FAM227B: variants seen among roughly 807,000 people sequenced by gnomAD.
FAM227B encodes the protein family with sequence similarity 227 member B, also known as protein FAM227B.
FAM227B carries 88 observed loss-of-function variants against 73.8 expected under a neutral mutation model. The ratio of observed to expected loss-of-function variants is 1.19; its 90% CI spans 1.00 to 1.42. The LOEUF is 1.42. Among genes scored for constraint, FAM227B ranks in the 40% most tolerant of loss-of-function variants. The pLI is 0.00. For synonymous variants in FAM227B, 210 were observed against 190.5 expected (o/e 1.10, Z -0.84); for missense variants, 632 against 590.9 (o/e 1.07, Z -0.72).
At chr15:49,350,348 G>A (rs2042062344) in intron 13 of FAM227B, among the ~76,000 whole-genome samples, 1 of 152,152 alleles carries the variant, frequency 6.6e-6, no homozygotes, top group African/African-American at 2.4e-5. Flanking sequence ...TGCAGGTCTA[G>A]AATGATGACA....
chr15:49,355,007 C>T (rs1211113223), intron 13 of FAM227B, among the ~76,000 whole-genome samples: 1 of 151,530 alleles, frequency 6.6e-6, no homozygotes, highest in African/African-American at 2.4e-5. Context: ...CAGGGTACTC[C>T]AACAGACCTG....
intron 1 of FAM227B, among the ~76,000 whole-genome samples, chr15:49,617,799 T>A (rs1051142812): frequency 2.6e-5 from 4 of 151,986 alleles, no homozygotes; most frequent in African/African-American, 9.7e-5. Flanking sequence ...TGTGTGTGTG[T>A]GTGTGTGACA....
intron 13 of FAM227B, among the ~76,000 whole-genome samples, chr15:49,344,990 C>G (rs2041259024): frequency 6.6e-6 from 1 of 152,182 alleles, no homozygotes; most frequent in African/African-American, 2.4e-5. Context: ...TGGTGTTGAG[C>G]TGCTTAAACT....
At position 49,358,082 on chromosome 15, in the gene FAM227B, G is replaced by A. The variant is rs1040261866; in HGVS notation, c.1271+9366C>T. Among the ~76,000 whole-genome samples, 183 of 152,010 alleles carry A rather than the reference G, an allele frequency of 1.2e-3. 3 individuals are homozygous for A. The highest frequency in any genetic ancestry group is 9.7e-3 in the Admixed American group (148 of 15,288). On this transcript the variant is annotated intron_variant, in intron 13 of 15. Coordinates refer to ENST00000299338, the MANE Select transcript of FAM227B (RefSeq NM_152647.3). ...TCAATAAATTAGGTATTGATGGGAC[G>A]TATTTCAAAATAATAAGAGCTATCT...
Position 49,508,322 on chromosome 15 carries a change from T to C in FAM227B, c.901A>G (p.Ile301Val), listed in dbSNP as rs374653018. The change falls in exon 11 of 16, where the codon ATC (isoleucine) becomes GTC (valine). Residue 301 changes from isoleucine to valine, a missense_variant. By Grantham distance (29) the Ile-to-Val change is conservative. Coordinates refer to ENST00000299338, the MANE Select transcript of FAM227B (RefSeq NM_152647.3). ...GAGAGTTCTTTCAGTTTCCAGTGGATCCAAAAGCCTTTTTGAGGTTTTAAA... is the reference window on the plus strand; with the variant it reads ...GAGAGTTCTTTCAGTTTCCAGTGGACCCAAAAGCCTTTTTGAGGTTTTAAA... ...SGLKPQKGFW[I>V]HWKLKELSTT... 1.7e-4 allele frequency: 267 copies of C among 1,603,158 alleles called. 1 individual carries two copies. The South Asian group carries it at 2.7e-3, about 16-fold the overall frequency.
At chr15:49,556,615 C>T (rs1473671875) in intron 9 of FAM227B, among the ~76,000 whole-genome samples, 1 of 152,188 alleles carries the variant, frequency 6.6e-6, no homozygotes. Context: ...TTTGGGCATC[C>T]ATTGCCATAC....
At chr15:49,528,699 T>C (rs1388607193) in intron 10 of FAM227B, among the ~76,000 whole-genome samples, 1 of 151,822 alleles carries the variant, frequency 6.6e-6, no homozygotes, top group Non-Finnish European at 1.5e-5. Context: ...AAAGAAAATA[T>C]AAAAGCAACC....
At chr15:49,448,874 T>C (rs17400427) in intron 11 of FAM227B, among the ~76,000 whole-genome samples, 29,697 of 151,700 alleles carry the variant, frequency 0.2, 3,295 homozygotes, top group Non-Finnish European at 0.25. Flanking sequence ...TCGATTCCAA[T>C]ATTATATTAC....
At chr15:49,422,522 C>G in intron 11 of FAM227B, 1 of 1,307,644 alleles carries the variant, frequency 7.6e-7, no homozygotes, top group Non-Finnish European at 9.8e-7. Flanking sequence ...AAGTAGGTGC[C>G]CTGTTCCTTA....
At chr15:49,377,396 T>C (rs2046238271) in intron 11 of FAM227B, among the ~76,000 whole-genome samples, 1 of 152,158 alleles carries the variant, frequency 6.6e-6, no homozygotes, top group Non-Finnish European at 1.5e-5. Context: ...GTGAGATTAC[T>C]AGATTATATG....
chr15:49,394,541 A>G (rs2047436841), intron 11 of FAM227B, among the ~76,000 whole-genome samples: 1 of 152,172 alleles, frequency 6.6e-6, no homozygotes, highest in South Asian at 2.1e-4. Flanking sequence ...TGAGTTATAT[A>G]ATTATGAATT....
At chr15:49,461,887 A>G (rs1370148419) in intron 11 of FAM227B, among the ~76,000 whole-genome samples, 1 of 152,218 alleles carries the variant, frequency 6.6e-6, no homozygotes, top group African/African-American at 2.4e-5. Flanking sequence ...TTTAAGACTG[A>G]TTATTGCCCA....
At chr15:49,447,599 T>C (rs912878257) in intron 11 of FAM227B, among the ~76,000 whole-genome samples, 1 of 151,762 alleles carries the variant, frequency 6.6e-6, no homozygotes, top group African/African-American at 2.4e-5. Flanking sequence ...GTGGTGTATT[T>C]GCTTGGGGTG....
intron 6 of FAM227B, among the ~76,000 whole-genome samples, 166 bp from the exon 7 acceptor site, chr15:49,577,011 C>T (rs1265757044): frequency 6.6e-6 from 1 of 152,048 alleles, no homozygotes; most frequent in African/African-American, 2.4e-5. Flanking sequence ...TAAGAAAAAC[C>T]TTTGGCCGTG....
At chr15:49,581,509 GGTTTCACCAT>G (rs2075812117) in intron 5 of FAM227B, among the ~76,000 whole-genome samples, 1 of 151,896 alleles carries the variant, frequency 6.6e-6, no homozygotes, top group Non-Finnish European at 1.5e-5. Context: ...GTAGAGATGG[GGTTTCACCAT>G]GTTGGTCAGG....
chr15:49,520,900 G>T (rs1349949838), intron 10 of FAM227B, among the ~76,000 whole-genome samples: 1 of 152,132 alleles, frequency 6.6e-6, no homozygotes, highest in Non-Finnish European at 1.5e-5. Context: ...TGGAGAACTT[G>T]AAGTCCCAGT....
chr15:49,565,996 G>C (rs1328906893), intron 9 of FAM227B, among the ~76,000 whole-genome samples: 1 of 152,200 alleles, frequency 6.6e-6, no homozygotes, highest in African/African-American at 2.4e-5. Flanking sequence ...TGGTCCTGCT[G>C]ACACCTTGAT....
intron 9 of FAM227B, among the ~76,000 whole-genome samples, chr15:49,558,425 C>G (rs2073943716): frequency 6.6e-6 from 1 of 152,150 alleles, no homozygotes; most frequent in African/African-American, 2.4e-5. Context: ...GCCATGTGCC[C>G]CACAGCTGCC....
rs376997826 is a variant in FAM227B at position 49,574,580 on chromosome 15, C to T, written c.645+431G>A. ...GAGGCCTCCACACCATGCGGAAATA[C>T]GAGTCAATTAAATCTCTTTCCTTCA... On this transcript the variant is annotated intron_variant, in intron 8 of 15. Coordinates refer to ENST00000299338, the MANE Select transcript of FAM227B (RefSeq NM_152647.3). Among the ~76,000 whole-genome samples, 33 of 152,230 alleles carry T rather than the reference C, an allele frequency of 2.2e-4. No homozygotes were observed. The South Asian group carries it at 3.7e-3, about 17-fold the overall frequency.
Sources: allele counts gnomAD v4.1 joint callset (sites outside exome capture counted in the v4.1 genomes callset), GRCh38; gene constraint gnomAD v4.1.1; transcripts MANE v1.5; gene names NCBI Gene and HGNC (gene_info 2026-07-23, HGNC 2026-07-21).